Variants in GNAS-AS1 observed in about 807,000 individuals in gnomAD.
The protein encoded by GNAS-AS1 is GNAS antisense RNA 1, also known as GNAS antisense RNA 1 (non-protein coding).
intron 4 of GNAS-AS1, among the ~76,000 whole-genome samples, chr20:58,837,149 T>G (rs1174776738): frequency 6.6e-6 from 1 of 152,188 alleles, no homozygotes; most frequent in Non-Finnish European, 1.5e-5. Flanking sequence ...GGGCATTTAC[T>G]AGCACCCATA....
chr20:58,826,391 G>A (rs1352372953), intron 4 of GNAS-AS1, among the ~76,000 whole-genome samples: 1 of 152,088 alleles, frequency 6.6e-6, no homozygotes, highest in Non-Finnish European at 1.5e-5. Context: ...AATGTCCCAG[G>A]TGGATGACAA....
chr20:58,819,649 GA>G (rs1218043847), intron 4 of GNAS-AS1, among the ~76,000 whole-genome samples: 1 of 152,176 alleles, frequency 6.6e-6, no homozygotes, highest in Non-Finnish European at 1.5e-5. Flanking sequence ...GCCAGGCTTA[GA>G]TAAGCCTTTT....
At chr20:58,839,297 G>A (rs1033437299) in intron 4 of GNAS-AS1, 6 of 398,514 alleles carry the variant, frequency 1.5e-5, no homozygotes, top group Non-Finnish European at 2.7e-5. Context: ...ATGGCTGCCC[G>A]AAGTTACCAT....
At chr20:58,824,661 CA>C (rs2085508192) in intron 4 of GNAS-AS1, among the ~76,000 whole-genome samples, 1 of 152,208 alleles carries the variant, frequency 6.6e-6, no homozygotes, top group Admixed American at 6.5e-5. Flanking sequence ...CCAAGAACTT[CA>C]TCTAGCAGAA....
chr20:58,822,606 G>A (rs905674157), intron 4 of GNAS-AS1, among the ~76,000 whole-genome samples: 5 of 152,216 alleles, frequency 3.3e-5, no homozygotes, highest in Non-Finnish European at 7.3e-5. Flanking sequence ...CAGGCCTGGA[G>A]AGCAGCTTCC....
In GNAS-AS1 at chr20:58,841,983, T is replaced by A. The variant is rs1038680827; in HGVS notation, n.773A>T. ...GTACGCGCAGAGCTGGGGAAAGGTG[T>A]TGGATCCGGCGCCAGTCCTTGGACG... On this transcript the variant is annotated non_coding_transcript_exon_variant, in exon 4 of 5. Coordinates refer to ENST00000424094, the Ensembl canonical transcript of GNAS-AS1. The surrounding 1 kb of genome is among the most constrained non-coding windows in gnomAD (Gnocchi z 5.0). 6 of 1,009,266 alleles carry A rather than the reference T, an allele frequency of 5.9e-6. No individual in the cohort carries two copies. The highest frequency in any genetic ancestry group is 7.6e-6 in the Non-Finnish European group (6 of 784,748). 62.5% of individuals were successfully genotyped at this position (1,009,266 alleles called of 1,614,324 possible).
chr20:58,820,548 C>T (rs997375834), intron 4 of GNAS-AS1, among the ~76,000 whole-genome samples: 11 of 152,246 alleles, frequency 7.2e-5, no homozygotes, highest in African/African-American at 2.7e-4. Context: ...CAGAGAAAGG[C>T]AGCCTCTCCC....
At chr20:58,836,079 G>A (rs1485851508) in intron 4 of GNAS-AS1, among the ~76,000 whole-genome samples, 1 of 152,120 alleles carries the variant, frequency 6.6e-6, no homozygotes, top group Non-Finnish European at 1.5e-5. Flanking sequence ...GCGGGGGGGA[G>A]GATCGTGTCC....
At chr20:58,844,550 A>C (rs1326462889) in intron 2 of GNAS-AS1, among the ~76,000 whole-genome samples, 1 of 152,194 alleles carries the variant, frequency 6.6e-6, no homozygotes, top group Non-Finnish European at 1.5e-5. Flanking sequence ...GGTCAGACCC[A>C]ACACCCCTCT....
At chr20:58,832,650 T>C (rs143011331) in intron 4 of GNAS-AS1, among the ~76,000 whole-genome samples, 360 of 152,206 alleles carry the variant, frequency 2.4e-3, no homozygotes, top group Admixed American at 4.4e-3. Context: ...ATGAAACCAC[T>C]AGCAATTAAA....
At chr20:58,823,536 G>A (rs1376661549) in intron 4 of GNAS-AS1, among the ~76,000 whole-genome samples, 10 of 152,304 alleles carry the variant, frequency 6.6e-5, no homozygotes, top group South Asian at 2.1e-4. Flanking sequence ...CATCCCCCCC[G>A]TCTCCCGACC....
chr20:58,838,933 A>AC (rs1273000797), intron 4 of GNAS-AS1: 1 of 397,240 alleles, frequency 2.5e-6, no homozygotes, highest in Non-Finnish European at 4.4e-6. Flanking sequence ...AAAAAAAAAA[A>AC]AAAAAAAACC....
intron 4 of GNAS-AS1, among the ~76,000 whole-genome samples, chr20:58,837,695 G>A (rs1290073411): frequency 2.6e-5 from 4 of 152,152 alleles, no homozygotes; most frequent in Non-Finnish European, 5.9e-5. Context: ...CACCCGCCTC[G>A]GCCTCCCAAA....
At chr20:58,834,135 G>C (rs187226886) in intron 4 of GNAS-AS1, 2 of 152,348 alleles carry the variant, frequency 1.3e-5, no homozygotes, top group African/African-American at 2.4e-5. Flanking sequence ...AAGTCTGATG[G>C]GGTGAGTCAG....
intron 2 of GNAS-AS1, among the ~76,000 whole-genome samples, chr20:58,845,480 C>A (rs993354973): frequency 2.0e-5 from 3 of 152,104 alleles, no homozygotes; most frequent in Non-Finnish European, 4.4e-5. Context: ...CGCACCGCAT[C>A]CCCCAAAACC....
chr20:58,826,243 AT>A (rs2085519381), intron 4 of GNAS-AS1: 1 of 395,070 alleles, frequency 2.5e-6, no homozygotes. Flanking sequence ...GAACATATAC[AT>A]TTTTTTGCAA....
intron 2 of GNAS-AS1, among the ~76,000 whole-genome samples, chr20:58,845,302 C>A (rs2085904047): frequency 6.6e-6 from 1 of 152,198 alleles, no homozygotes; most frequent in South Asian, 2.1e-4. Context: ...TTGAGATAAA[C>A]CAGTTTTCTC....
At chr20:58,820,343 G>T (rs1028824110) in intron 4 of GNAS-AS1, among the ~76,000 whole-genome samples, 1 of 152,246 alleles carries the variant, frequency 6.6e-6, no homozygotes, top group African/African-American at 2.4e-5. Flanking sequence ...AGAAGCACCA[G>T]GTAGACGAAG....
At chr20:58,837,242 C>T (rs1475389062) in intron 4 of GNAS-AS1, among the ~76,000 whole-genome samples, 4 of 152,066 alleles carry the variant, frequency 2.6e-5, no homozygotes, top group Admixed American at 2.6e-4. Context: ...TGGAGCTGTG[C>T]TAATTAGAAG....
Sources: gnomAD v4.1 joint callset for allele counts (sites outside exome capture counted in the v4.1 genomes callset) on GRCh38, gnomAD v4.1.1 for gene constraint, Gnocchi (gnomAD v3.1) non-coding constraint, MANE v1.5 for transcripts, NCBI Gene and HGNC (gene_info 2026-07-23, HGNC 2026-07-21) for gene names.